The following MSL1 variants were observed in gnomAD, a reference collection of about 807,000 sequenced individuals.
The protein encoded by MSL1 is MSL complex subunit 1, also known as male-specific lethal 1 homolog.
A neutral mutation model predicts 64.6 loss-of-function variants in MSL1; 21 were observed. That is an observed-to-expected ratio of 0.33 (90% CI 0.23 to 0.47). The LOEUF is 0.47. Among genes scored for constraint, MSL1 ranks in the 20% least tolerant of loss-of-function variants. The pLI, the probability that MSL1 is intolerant of heterozygous loss-of-function variation, is 1.00. For synonymous variants in MSL1, 339 were observed against 329.6 expected (o/e 1.03, Z -0.31); for missense variants, 664 against 793.2 (o/e 0.84, Z 1.96).
At chr17:40,128,946 A>G (rs928181743) in intron 2 of MSL1, among the ~76,000 whole-genome samples, 8 of 151,968 alleles carry the variant, frequency 5.3e-5, no homozygotes, top group African/African-American at 1.9e-4. Context: ...CCCGGGAGGC[A>G]GAGATTGCAG....
At chr17:40,124,117 ATTAT>A (rs1421819230) in intron 1 of MSL1, among the ~76,000 whole-genome samples, 2 of 152,158 alleles carry the variant, frequency 1.3e-5, no homozygotes, top group East Asian at 3.9e-4. Context: ...AAAGTCGTTT[ATTAT>A]TTCTTTACTT....
chr17:40,129,206 G>A (rs369827197), intron 2 of MSL1, 39 bp from the exon 3 acceptor site: 13 of 1,444,418 alleles, frequency 9.0e-6, no homozygotes, highest in Non-Finnish European at 1.2e-5. Context: ...TTATTCAAGT[G>A]TCAATAAATT....
intron 1 of MSL1, 79 bp from the exon 2 acceptor site, chr17:40,126,092 AGAAGACTATACT>A (rs1481450521): frequency 9.0e-7 from 1 of 1,116,690 alleles, no homozygotes. Flanking sequence ...AGAAAGAGGC[AGAAGACTATACT>A]GATTCCTAAA....
intron 2 of MSL1, among the ~76,000 whole-genome samples, chr17:40,128,098 G>A (rs1372462664): frequency 1.3e-5 from 2 of 152,098 alleles, no homozygotes; most frequent in Admixed American, 1.3e-4. Flanking sequence ...CTCCACTCTG[G>A]GTGACAGAGT....
Position 40,123,287 on chromosome 17 carries a change from C to A in MSL1, c.675C>A (p.Ile225=). The A allele has an allele frequency of 2.0e-6, 3 of 1,536,010 alleles. No individual in the cohort carries two copies. The South Asian group carries it at 3.6e-5, about 18-fold the overall frequency. The part of the protein sequence containing the change: ...ASSQAACLKQ[I]LLLQLDLIEQ... ...GTCAGGCCGCCTGCCTCAAACAGAT[C>A]CTTCTGCTGCAATTGGACCTCATCG... is the stretch of plus-strand genomic sequence containing the variant. The change falls in exon 1 of 9, where the codon ATC becomes ATA. Residue 225 remains isoleucine (I), a synonymous_variant. Coordinates refer to ENST00000398532, the MANE Select transcript of MSL1 (RefSeq NM_001365919.1).
intron 1 of MSL1, among the ~76,000 whole-genome samples, chr17:40,123,908 G>T (rs573639459): frequency 1.3e-4 from 20 of 152,254 alleles, no homozygotes; most frequent in African/African-American, 3.9e-4. Flanking sequence ...TTTCTTAAAT[G>T]ATATTAAGAG....
Position 40,129,229 on chromosome 17 carries a change from C to G in MSL1, c.993-16C>G. 1 of 1,507,472 alleles carries G rather than the reference C, an allele frequency of 6.6e-7. No individual in the cohort carries two copies. The highest frequency in any genetic ancestry group is 1.3e-5 in the South Asian group (1 of 74,748). 93.4% of individuals were successfully genotyped at this position (1,507,472 alleles called of 1,614,324 possible). ...GTGTCAATAAATTTTATAATGTTTT[C>G]TTCCCTATCTAATAGGAAATCCCCA... On this transcript the variant is annotated splice_polypyrimidine_tract_variant and intron_variant, in intron 2 of 8. Transcript: ENST00000398532.
At chr17:40,133,181 C>A in intron 6 of MSL1, 72 bp downstream of exon 6, 1 of 1,363,680 alleles carries the variant, frequency 7.3e-7, no homozygotes, top group Non-Finnish European at 1.0e-6. Flanking sequence ...GGGAACCTGA[C>A]CTCCCTTTTT....
chr17:40,130,577 G>T (rs1303832302), intron 3 of MSL1, among the ~76,000 whole-genome samples: 4 of 152,194 alleles, frequency 2.6e-5, no homozygotes, highest in Admixed American at 2.6e-4. Context: ...GCAGGATGGG[G>T]ATAGAAATCC....
intron 1 of MSL1, 142 bp downstream of exon 1, chr17:40,123,522 G>C (rs958694740): frequency 1.3e-6 from 1 of 743,538 alleles, no homozygotes; most frequent in Non-Finnish European, 2.2e-6. Flanking sequence ...TTAGGCGCTG[G>C]GTCTCTGGGA....
intron 3 of MSL1, chr17:40,130,386 T>C (rs1487417752): frequency 6.6e-6 from 1 of 152,196 alleles, no homozygotes; most frequent in Non-Finnish European, 1.5e-5. Flanking sequence ...CCTTTTTTTT[T>C]TCTTTATGGC....
At chr17:40,123,682 G>T (rs536419748) in intron 1 of MSL1, among the ~76,000 whole-genome samples, 12 of 152,220 alleles carry the variant, frequency 7.9e-5, no homozygotes, top group African/African-American at 2.9e-4. Context: ...GACGTGATCT[G>T]TGAGGGGTTA....
Position 40,129,492 on chromosome 17 carries a change from A to G in MSL1, c.1240A>G (p.Lys414Glu), listed in dbSNP as rs771742068. ...QKGPSTHPKE[K>E]AFSSEIEDLP... ...GGGACCCAGCACCCATCCCAAGGAG[A>G]AAGCCTTCTCAAGTGAGATAGAAGA... Residue 414 changes from lysine (K) to glutamate (E), a missense_variant, in exon 3 of 9, where the codon AAA becomes GAA. By Grantham distance (56) the Lys-to-Glu change is moderately conservative. Around this residue, in one of 4 missense-constraint regions of MSL1, gnomAD observed 119 missense variants for 164.3 expected, o/e 0.72. Transcript: ENST00000398532. 1.9e-6 allele frequency: 3 copies of G among 1,613,892 alleles called. No individual in the cohort carries two copies. The highest frequency in any genetic ancestry group is 1.7e-5 in the Admixed American group (1 of 60,016).
In MSL1 at chr17:40,122,690, G is replaced by A; in HGVS notation, c.78G>A (p.Glu26=). Residue 26 remains glutamate, a synonymous_variant, in exon 1 of 9, where the codon GAG becomes GAA. Transcript: ENST00000398532. This position sits in a 1 kb window ranked among gnomAD's most constrained non-coding sequence, Gnocchi z 4.2. ...ATCCTGAGCAGCGACTGGACTACGAGCGGGCTGCGGCGCTGGGCGGGCCCG... is the reference window on the plus strand; with the variant it reads ...ATCCTGAGCAGCGACTGGACTACGAACGGGCTGCGGCGCTGGGCGGGCCCG... ...GGNPEQRLDY[E]RAAALGGPED... 2 of 1,487,138 alleles carry A rather than the reference G, an allele frequency of 1.3e-6. No individual in the cohort carries two copies. Among genetic ancestry groups the A allele is most frequent in the Non-Finnish European group, 1.8e-6 (2 of 1,126,112 alleles). The allele number at this position is 1,487,138 out of a possible 1,614,324, so 92.1% of individuals were successfully genotyped here.
At chr17:40,125,762 CAA>C (rs1453671907) in intron 1 of MSL1, among the ~76,000 whole-genome samples, 1 of 152,116 alleles carries the variant, frequency 6.6e-6, no homozygotes, top group East Asian at 1.9e-4. Context: ...GCCTGGGCAA[CAA>C]GAGCAAAACT....
intron 1 of MSL1, 115 bp downstream of exon 1, chr17:40,123,495 A>G: frequency 2.1e-6 from 2 of 962,060 alleles, no homozygotes; most frequent in Non-Finnish European, 3.1e-6. Context: ...GAGGTTGGCC[A>G]CCGGCAAAGG....
rs1354369448 is a variant in MSL1, at chr17:40,123,212, G to C, written c.600G>C (p.Lys200Asn). ...TGGCGGCCAGCGAGGGCAGATGGAAGAGTATGAGGAAGAGCCCTCTCGGGG... is the reference window on the plus strand; with the variant it reads ...TGGCGGCCAGCGAGGGCAGATGGAACAGTATGAGGAAGAGCCCTCTCGGGG... Reference protein sequence around the residue: ...GTLAASEGRWKSMRKSPLGGG... With the variant: ...GTLAASEGRWNSMRKSPLGGG... The change falls in exon 1 of 9, where the codon AAG becomes AAC. Residue 200 changes from lysine (K) to asparagine (N), a missense_variant. Coordinates refer to ENST00000398532, the MANE Select transcript of MSL1 (RefSeq NM_001365919.1). 1 of 1,535,518 alleles carries C rather than the reference G, an allele frequency of 6.5e-7. No individual in the cohort carries two copies. The highest frequency in any genetic ancestry group is 8.7e-7 in the Non-Finnish European group (1 of 1,146,840).
chr17:40,135,396 T>C lies in MSL1; in HGVS notation c.*1027T>C, dbSNP rs1226747024. 3 of 152,438 alleles carry C rather than the reference T, an allele frequency of 2.0e-5. No homozygotes were observed. The highest frequency in any genetic ancestry group is 2.1e-4 in the South Asian group (1 of 4,820). 9.4% of individuals were successfully genotyped at this position (152,438 alleles called of 1,614,324 possible). A position where few individuals can be genotyped will look rare whatever the true frequency, so the allele number is the denominator to read the frequency against. On this transcript the variant is annotated 3_prime_UTR_variant, in exon 9 of 9. Transcript: ENST00000398532. Reference sequence around the variant, plus strand: ...TCTCCCCTCCCGTTTTGTTAAAATATCAGGATAGCACTCCCAGGCCACTTT... The same window carrying C: ...TCTCCCCTCCCGTTTTGTTAAAATACCAGGATAGCACTCCCAGGCCACTTT...
intron 2 of MSL1, among the ~76,000 whole-genome samples, 161 bp from the exon 3 acceptor site, chr17:40,129,084 C>T (rs1988384295): frequency 6.6e-6 from 1 of 152,052 alleles, no homozygotes; most frequent in Non-Finnish European, 1.5e-5. Flanking sequence ...CTGGGCTGTT[C>T]CTGCTCATGA....
Sources: allele counts gnomAD v4.1 joint callset (sites outside exome capture counted in the v4.1 genomes callset), GRCh38; gene constraint gnomAD v4.1.1; regional missense constraint gnomAD v4.1.1; non-coding constraint Gnocchi (gnomAD v3.1); transcripts MANE v1.5; gene names NCBI Gene and HGNC (gene_info 2026-07-23, HGNC 2026-07-21).